SLC37A1: variants seen among roughly 807,000 people sequenced by gnomAD.
SLC37A1 encodes glucose-6-phosphate exchanger SLC37A1.
A neutral mutation model predicts 75.3 loss-of-function variants in SLC37A1; 49 were observed. The observed-to-expected ratio is 0.65, with a 90% CI of 0.52 to 0.83. The LOEUF is 0.83. Ranked by LOEUF, SLC37A1 falls within the 40% of genes least tolerant of loss-of-function variation. SLC37A1 has a pLI of 0.00. For missense variants in SLC37A1, 566 were observed against 695.0 expected, an observed-to-expected ratio of 0.81 and a Z score of 2.09; for synonymous variants, 268 against 292.1, an observed-to-expected ratio of 0.92 and a Z score of 0.84.
chr21:42,549,634 G>A (rs992303737), intron 9 of SLC37A1, among the ~76,000 whole-genome samples: 3 of 152,176 alleles, frequency 2.0e-5, no homozygotes, highest in Admixed American at 6.5e-5. Context: ...GGACACCAAC[G>A]AGACCCTTGT....
At chr21:42,541,944 A>G (rs1416453484) in intron 6 of SLC37A1, among the ~76,000 whole-genome samples, 1 of 151,998 alleles carries the variant, frequency 6.6e-6, no homozygotes, top group African/African-American at 2.4e-5. Context: ...GTCTCTCTAT[A>G]TTGCCCAGGC....
In SLC37A1 at chr21:42,530,655, C is replaced by CACA. The variant is rs1491531929; in HGVS notation, c.139-4043_139-4042insACA. Among the ~76,000 whole-genome samples the CACA allele has an allele frequency of 7.7e-4, 20 of 25,886 alleles. 1 individual carries two copies. Among genetic ancestry groups the CACA allele is most frequent in the East Asian group, 1.6e-3 (4 of 2,566 alleles). 17.0% of individuals were successfully genotyped at this position (25,886 alleles called of 152,430 possible). A position where few individuals can be genotyped will look rare whatever the true frequency, so the allele number is the denominator to read the frequency against. Reference sequence around the variant, plus strand: ...ACACACACACACACACACACACACACCCCCTCTGTGTTGGCTGAAGGTGGA... The same window carrying CACA: ...ACACACACACACACACACACACACACACACCCCTCTGTGTTGGCTGAAGGTGGA... On this transcript the variant is annotated intron_variant, in intron 3 of 19. Coordinates refer to ENST00000352133, the MANE Select transcript of SLC37A1 (RefSeq NM_001320537.2).
At chr21:42,522,997 C>T (rs999340567) in intron 2 of SLC37A1, among the ~76,000 whole-genome samples, 1 of 152,224 alleles carries the variant, frequency 6.6e-6, no homozygotes, top group Non-Finnish European at 1.5e-5. Flanking sequence ...CCATTGGGAA[C>T]GCGGTGTGTG....
rs117105000 is a variant in SLC37A1 at position 42,548,220 on chromosome 21, G to A, written c.768+1080G>A. On this transcript the variant is annotated intron_variant, in intron 9 of 19. Transcript: ENST00000352133. This position sits in a 1 kb window ranked among gnomAD's most constrained non-coding sequence, Gnocchi z 5.6. ...CGGGCCTTTCAGCGGCTCCAGGTGCGTTGATGTCGAGTCACCATGCTGTCC... is the reference window on the plus strand; with the variant it reads ...CGGGCCTTTCAGCGGCTCCAGGTGCATTGATGTCGAGTCACCATGCTGTCC... 0.059 allele frequency among the ~76,000 whole-genome samples: 8,944 copies of A among 152,222 alleles called. 366 individuals carry two copies. Among genetic ancestry groups the A allele is most frequent in the Middle Eastern group, 0.11 (33 of 294 alleles).
At chr21:42,517,402 G>A (rs1426142126) in intron 1 of SLC37A1, among the ~76,000 whole-genome samples, 1 of 152,150 alleles carries the variant, frequency 6.6e-6, no homozygotes, top group African/African-American at 2.4e-5. Flanking sequence ...AGATAGAAGA[G>A]ATGAGGGGCG....
At chr21:42,558,888 G>A in intron 10 of SLC37A1, 70 bp from the exon 11 acceptor site, 1 of 1,601,994 alleles carries the variant, frequency 6.2e-7, no homozygotes, top group Non-Finnish European at 8.5e-7. Context: ...TAGGAAGCCT[G>A]GCCCCACTTC....
chr21:42,520,580 T>C (rs2054624074), intron 2 of SLC37A1, among the ~76,000 whole-genome samples: 1 of 152,128 alleles, frequency 6.6e-6, no homozygotes, highest in African/African-American at 2.4e-5. Context: ...GAGGTTGGAT[T>C]GGAATGAAAG....
chr21:42,557,677 C>A (rs73375819), intron 10 of SLC37A1, among the ~76,000 whole-genome samples: 1 of 152,248 alleles, frequency 6.6e-6, no homozygotes, highest in Non-Finnish European at 1.5e-5. Context: ...GGGCTGCACT[C>A]GGTGCCACCT....
intron 3 of SLC37A1, among the ~76,000 whole-genome samples, chr21:42,526,521 T>G (rs2054797712): frequency 6.6e-6 from 1 of 152,168 alleles, no homozygotes; most frequent in Non-Finnish European, 1.5e-5. Context: ...GGCCCCTCGC[T>G]CACTCTCCGG....
chr21:42,522,641 T>C (rs2054681880), intron 2 of SLC37A1, among the ~76,000 whole-genome samples: 1 of 152,244 alleles, frequency 6.6e-6, no homozygotes, highest in African/African-American at 2.4e-5. Flanking sequence ...GAAGTAGAGT[T>C]GGCCTGACAC....
chr21:42,501,745 A>G (rs981462063), intron 1 of SLC37A1, among the ~76,000 whole-genome samples: 1 of 152,176 alleles, frequency 6.6e-6, no homozygotes, highest in Admixed American at 6.5e-5. Context: ...AAACAAAACT[A>G]TTATGCCTTC....
intron 12 of SLC37A1, among the ~76,000 whole-genome samples, chr21:42,562,392 G>A (rs777033948): frequency 2.0e-5 from 3 of 152,196 alleles, no homozygotes; most frequent in Non-Finnish European, 2.9e-5. Context: ...CGGTTGACAC[G>A]TTCTATCCCA....
intron 16 of SLC37A1, among the ~76,000 whole-genome samples, chr21:42,567,715 A>G (rs1252738374): frequency 6.6e-6 from 1 of 152,074 alleles, no homozygotes; most frequent in African/African-American, 2.4e-5. Flanking sequence ...GTTCATTTTT[A>G]TAGTTTTAGG....
At chr21:42,522,911 A>C (rs2054688730) in intron 2 of SLC37A1, among the ~76,000 whole-genome samples, 1 of 152,250 alleles carries the variant, frequency 6.6e-6, no homozygotes, top group Non-Finnish European at 1.5e-5. Flanking sequence ...TGTGAGCACC[A>C]GCCGGGAGTC....
At chr21:42,501,703 G>A (rs990564314) in intron 1 of SLC37A1, among the ~76,000 whole-genome samples, 6 of 152,210 alleles carry the variant, frequency 3.9e-5, no homozygotes, top group Non-Finnish European at 8.8e-5. Context: ...CAAGAGACAA[G>A]AGTGAAACTC....
At position 42,548,670 on chromosome 21, in the gene SLC37A1, C is replaced by T. The variant is rs1011055640; in HGVS notation, c.768+1530C>T. Among the ~76,000 whole-genome samples the T allele has an allele frequency of 6.6e-6, 1 of 152,236 alleles. No individual in the cohort carries two copies. Among genetic ancestry groups the T allele is most frequent in the Non-Finnish European group, 1.5e-5 (1 of 68,036 alleles). On this transcript the variant is annotated intron_variant, in intron 9 of 19. Coordinates refer to ENST00000352133, the MANE Select transcript of SLC37A1 (RefSeq NM_001320537.2). The surrounding 1 kb of genome is among the most constrained non-coding windows in gnomAD (Gnocchi z 5.6). Reference sequence around the variant, plus strand: ...CCCAGAATCTCTTCTTCACACCGCACTTGCAGAGACTGTATTGATACAGAC... The same window carrying T: ...CCCAGAATCTCTTCTTCACACCGCATTTGCAGAGACTGTATTGATACAGAC...
intron 2 of SLC37A1, chr21:42,508,733 C>T (rs546646785): frequency 1.3e-5 from 2 of 152,304 alleles, no homozygotes; most frequent in South Asian, 2.1e-4. Context: ...CCAGTTTACT[C>T]CCCAAATACC....
chr21:42,551,525 G>A (rs1033727856), intron 9 of SLC37A1, among the ~76,000 whole-genome samples: 4 of 152,234 alleles, frequency 2.6e-5, no homozygotes, highest in African/African-American at 9.6e-5. Context: ...AAATTGTAGT[G>A]ATGGTTGCAA....
intron 11 of SLC37A1, among the ~76,000 whole-genome samples, chr21:42,559,541 G>A (rs968724544): frequency 1.9e-4 from 29 of 152,220 alleles, no homozygotes; most frequent in African/African-American, 6.5e-4. Flanking sequence ...TGAGTGCTGC[G>A]CCGTGGCCTT....
Sources: allele counts gnomAD v4.1 joint callset (sites outside exome capture counted in the v4.1 genomes callset), GRCh38; gene constraint gnomAD v4.1.1; non-coding constraint Gnocchi (gnomAD v3.1); transcripts MANE v1.5; gene names NCBI Gene and HGNC (gene_info 2026-07-23, HGNC 2026-07-21).